The following BTBD9 variants were observed in gnomAD, a reference collection of about 807,000 sequenced individuals.
BTBD9 encodes BTB domain containing 9.
In BTBD9, 49 loss-of-function variants were observed where a neutral mutation model predicts 64.3. That is an observed-to-expected ratio of 0.76 (90% confidence interval 0.61 to 0.97). The LOEUF (loss-of-function observed/expected upper bound fraction) is 0.97, where lower values mean the gene tolerates loss of function less well. Among genes scored for constraint, BTBD9 ranks in the 50% least tolerant of loss-of-function variants. The pLI, the probability that BTBD9 is intolerant of heterozygous loss-of-function variation, is 0.00. For synonymous variants in BTBD9, 260 were observed against 274.7 expected, an observed-to-expected ratio of 0.95 and a Z score of 0.53; for missense variants, 598 against 762.1, an observed-to-expected ratio of 0.78 and a Z score of 2.53.
intron 7 of BTBD9, among the ~76,000 whole-genome samples, chr6:38,309,702 C>T (rs1457021762): frequency 3.3e-5 from 5 of 152,040 alleles, no homozygotes; most frequent in Non-Finnish European, 7.4e-5. Flanking sequence ...TGAACCACTG[C>T]GCCCAGCCTA....
chr6:38,359,427 A>T (rs1764866543), intron 6 of BTBD9, among the ~76,000 whole-genome samples: 1 of 152,222 alleles, frequency 6.6e-6, no homozygotes, highest in South Asian at 2.1e-4. Context: ...CAACTGTGTC[A>T]TTCTGAGTTC....
chr6:38,442,150 T>C (rs142700823), intron 6 of BTBD9, among the ~76,000 whole-genome samples: 2 of 152,266 alleles, frequency 1.3e-5, no homozygotes, highest in Non-Finnish European at 2.9e-5. Context: ...TTAGGCTCCA[T>C]TGCTGTTTTG....
chr6:38,335,318 T>C (rs1010339641), intron 7 of BTBD9, among the ~76,000 whole-genome samples: 5 of 151,174 alleles, frequency 3.3e-5, no homozygotes, highest in African/African-American at 1.2e-4. Context: ...AGCAGTGCAA[T>C]CTGAGCTCAC....
intron 6 of BTBD9, among the ~76,000 whole-genome samples, chr6:38,409,554 G>T (rs551566522): frequency 1.2e-4 from 19 of 152,278 alleles, no homozygotes; most frequent in Middle Eastern, 3.4e-3. Flanking sequence ...GCTGAGCATG[G>T]TGGCTCACGC....
chr6:38,374,320 T>TGTATATATATATATATATAC (rs1765592613), intron 6 of BTBD9, among the ~76,000 whole-genome samples: 1 of 114,462 alleles, frequency 8.7e-6, no homozygotes, highest in African/African-American at 3.4e-5. Context: ...TATATATATA[T>TGTATATATATATATATATAC]ATATATGTAT....
At chr6:38,551,980 G>C (rs181764029) in intron 6 of BTBD9, among the ~76,000 whole-genome samples, 2 of 152,188 alleles carry the variant, frequency 1.3e-5, no homozygotes, top group African/African-American at 2.4e-5. Flanking sequence ...TGTGGTGGCT[G>C]AAGACCCAGG....
intron 6 of BTBD9, among the ~76,000 whole-genome samples, chr6:38,577,034 G>A (rs1776070074): frequency 1.3e-5 from 2 of 152,146 alleles, no homozygotes; most frequent in South Asian, 4.1e-4. Flanking sequence ...GAAGCTCTGA[G>A]CCTAGAGCCC....
At chr6:38,205,734 A>G (rs775238958) in intron 9 of BTBD9, among the ~76,000 whole-genome samples, 3 of 151,606 alleles carry the variant, frequency 2.0e-5, no homozygotes, top group Non-Finnish European at 4.4e-5. Context: ...AAATACAAAA[A>G]TTAGCCAGGC....
chr6:38,545,308 C>A (rs1291072478), intron 6 of BTBD9, among the ~76,000 whole-genome samples: 1 of 152,088 alleles, frequency 6.6e-6, no homozygotes, highest in East Asian at 1.9e-4. Flanking sequence ...CCAGGCTGGT[C>A]TTGATCTCTT....
intron 7 of BTBD9, among the ~76,000 whole-genome samples, chr6:38,329,323 CT>C (rs201597571): frequency 0.026 from 3,488 of 132,626 alleles, 106 homozygotes; most frequent in African/African-American, 0.086. Context: ...CCTTTTTTTC[CT>C]TTTTTTTTTT....
At chr6:38,402,958 A>G in intron 6 of BTBD9, 1 of 637,380 alleles carries the variant, frequency 1.6e-6, no homozygotes, top group Non-Finnish European at 2.8e-6. Context: ...CTGTCATCCC[A>G]GCTACTCAGC....
intron 6 of BTBD9, among the ~76,000 whole-genome samples, chr6:38,379,773 T>C (rs1027331095): frequency 2.0e-5 from 3 of 152,314 alleles, no homozygotes; most frequent in Non-Finnish European, 1.5e-5. Flanking sequence ...ATATTAATTA[T>C]ATTTGCATGA....
chr6:38,294,454 C>T lies in BTBD9; in HGVS notation c.1265-5993G>A, dbSNP rs183102461. Among the ~76,000 whole-genome samples the T allele has an allele frequency of 2.6e-3, 394 of 152,240 alleles. 3 individuals carry two copies. Among genetic ancestry groups the T allele is most frequent in the African/African-American group, 8.3e-3 (344 of 41,524 alleles). On this transcript the variant is annotated intron_variant, in intron 7 of 10. Coordinates refer to ENST00000481247, the MANE Select transcript of BTBD9 (RefSeq NM_001099272.2). ...TAAAGAAAATGTGGCACATATACAC[C>T]ATGGAGTACTATGCAGCCATAAAAA...
chr6:38,211,397 C>G (rs1467623720), intron 9 of BTBD9, among the ~76,000 whole-genome samples: 1 of 151,026 alleles, frequency 6.6e-6, no homozygotes, highest in Non-Finnish European at 1.5e-5. Context: ...CCACTGCACT[C>G]CAGCCTGGGC....
chr6:38,228,341 T>TCCCCCC (rs756495862), intron 9 of BTBD9, among the ~76,000 whole-genome samples: 1 of 66,922 alleles, frequency 1.5e-5, no homozygotes, highest in Non-Finnish European at 2.6e-5. Flanking sequence ...CAAGACCCTG[T>TCCCCCC]CCCCCCCCCC....
chr6:38,518,250 T>C (rs1024427829), intron 6 of BTBD9, among the ~76,000 whole-genome samples: 4 of 152,184 alleles, frequency 2.6e-5, no homozygotes, highest in Admixed American at 6.5e-5. Flanking sequence ...TTGTTGCCTA[T>C]AGAATTTTCT....
At chr6:38,192,727 AG>A in intron 9 of BTBD9, 130 bp from the exon 10 acceptor site, 2 of 761,956 alleles carry the variant, frequency 2.6e-6, no homozygotes, top group South Asian at 3.1e-5. Context: ...TAGGAGGGGC[AG>A]GCAGCTGGGC....
chr6:38,335,254 ATTTT>A (rs200450470), intron 7 of BTBD9, among the ~76,000 whole-genome samples: 1 of 140,900 alleles, frequency 7.1e-6, no homozygotes. Context: ...TTAATTTTAA[ATTTT>A]TTTTTTTTTT....
At chr6:38,635,811 A>C (rs183623457) in intron 1 of BTBD9, among the ~76,000 whole-genome samples, 3 of 152,334 alleles carry the variant, frequency 2.0e-5, no homozygotes, top group African/African-American at 7.2e-5. Flanking sequence ...AATTAAACTT[A>C]GATCAGTTCT....
Sources: gnomAD v4.1 joint callset for allele counts (sites outside exome capture counted in the v4.1 genomes callset) on GRCh38, gnomAD v4.1.1 for gene constraint, MANE v1.5 for transcripts, NCBI Gene and HGNC (gene_info 2026-07-23, HGNC 2026-07-21) for gene names.